Variants in CCAR2 observed in about 807,000 individuals in gnomAD.
CCAR2 encodes the protein cell cycle and apoptosis regulator protein 2.
A neutral mutation model predicts 108.1 loss-of-function variants in CCAR2; 21 were observed. The ratio of observed to expected loss-of-function variants is 0.19; its 90% CI spans 0.14 to 0.28. The LOEUF is 0.28. CCAR2 is among the 10% of genes least tolerant of loss of function. The pLI is 1.00. For missense variants in CCAR2, 1,126 were observed against 1,177.0 expected (o/e 0.96, Z 0.63); for synonymous variants, 577 against 472.8 (o/e 1.22, Z -2.86).
At chr8:22,612,823 A>G in intron 7 of CCAR2, 194 bp from the exon 8 acceptor site, 1 of 598,980 alleles carries the variant, frequency 1.7e-6, no homozygotes, top group Non-Finnish European at 2.7e-6. Flanking sequence ...TTTGCTTAAC[A>G]GGAATGTTTA....
At chr8:22,605,498 C>T (rs992283685) in intron 1 of CCAR2, 15 of 443,246 alleles carry the variant, frequency 3.4e-5, no homozygotes, top group East Asian at 3.8e-5. Context: ...GTTTCCTTGT[C>T]TGTAAAACAG....
downstream of CCAR2, chr8:22,621,078 C>T (rs7000993): frequency 0.02 from 4,765 of 234,122 alleles, 235 homozygotes; most frequent in African/African-American, 0.099. Context: ...GCCCACAACG[C>T]ATGCAAGGCT....
chr8:22,621,450 C>G, downstream of CCAR2: 5 of 1,613,646 alleles, frequency 3.1e-6, no homozygotes, highest in Non-Finnish European at 3.4e-6. Context: ...GGAGAGGGCC[C>G]GGAGCTCACT....
chr8:22,604,964 T>C, intron 1 of CCAR2, 122 bp downstream of exon 1: 2 of 331,166 alleles, frequency 6.0e-6, no homozygotes, highest in South Asian at 4.4e-5. Context: ...CGAGCCCCTC[T>C]TTGGACTGCA....
In CCAR2 at chr8:22,617,793, C is replaced by A. The variant is rs756875975; in HGVS notation, c.2073+15C>A. On this transcript the variant is annotated intron_variant, in intron 16 of 20. Coordinates refer to ENST00000308511, the MANE Select transcript of CCAR2 (RefSeq NM_001393997.1). The stretch of plus-strand genomic sequence containing the variant: ...TTCAGGACATGGTGAGGCCTCTTCT[C>A]GACCACTCTGGGTCTCAGTGGTGGT... 6.2e-7 allele frequency: 1 copy of A among 1,612,348 alleles called. No individual in the cohort carries two copies.
Position 22,613,278 on chromosome 8 carries a change from C to G in CCAR2, c.704+142C>G, listed in dbSNP as rs1286942745. 4.8e-6 allele frequency: 4 copies of G among 836,870 alleles called. No individual in the cohort carries two copies. The East Asian group carries it at 1.5e-4, about 32-fold the overall frequency. The allele number at this position is 836,870 out of a possible 1,614,324, so 51.8% of individuals were successfully genotyped here. On this transcript the variant is annotated intron_variant, in intron 8 of 20. Transcript: ENST00000308511. ...GAAAAGCACATGGAAACCTGTTGTA[C>G]ATACTGTTTGGTGGTTTGCCTTTTC... is the stretch of plus-strand genomic sequence containing the variant.
intron 1 of CCAR2, chr8:22,605,398 A>G (rs1219081857): frequency 2.7e-5 from 5 of 187,614 alleles, no homozygotes; most frequent in Non-Finnish European, 5.5e-5. Flanking sequence ...GAGGAGCGCT[A>G]AGTTGTTGGG....
downstream of CCAR2, chr8:22,621,165 T>C (rs1435595754): frequency 4.0e-6 from 2 of 495,382 alleles, no homozygotes; most frequent in African/African-American, 1.9e-5. Flanking sequence ...CCAGGATGCA[T>C]GCTGGACGGT....
intron 1 of CCAR2, 95 bp downstream of exon 1, chr8:22,604,937 T>TG: frequency 8.5e-6 from 3 of 354,958 alleles, no homozygotes; most frequent in Non-Finnish European, 1.1e-5. Flanking sequence ...CGAAGATGCG[T>TG]GGGGCGCGGA....
At chr8:22,612,050 T>C (rs2117437990) in intron 7 of CCAR2, among the ~76,000 whole-genome samples, 1 of 152,096 alleles carries the variant, frequency 6.6e-6, no homozygotes, top group Non-Finnish European at 1.5e-5. Context: ...GTTCAAGCGA[T>C]TCTCCTTGCC....
At chr8:22,621,511 G>A (rs1318416495), downstream of CCAR2, 2 of 1,613,928 alleles carry the variant, frequency 1.2e-6, no homozygotes, top group Non-Finnish European at 1.7e-6. Context: ...TGGCCTGGCT[G>A]GTCAAGCTGA....
intron 20 of CCAR2, 57 bp from the exon 21 acceptor site, chr8:22,619,581 C>A: frequency 2.6e-6 from 4 of 1,540,458 alleles, no homozygotes; most frequent in Non-Finnish European, 3.5e-6. Flanking sequence ...CCGCAGTCCG[C>A]AGTCCTCAGA....
chr8:22,617,885 TGGACCCAACACACA>T lies in CCAR2; in HGVS notation c.2073+109_2073+122del. The T allele has an allele frequency of 2.6e-6, 3 of 1,145,890 alleles. No homozygotes were observed. In the South Asian group the frequency reaches 3.9e-5, roughly 15 times the overall value. 71.0% of individuals were successfully genotyped at this position (1,145,890 alleles called of 1,614,324 possible). A position where few individuals can be genotyped will look rare whatever the true frequency, so the allele number is the denominator to read the frequency against. ...GCTTACCAGTGACTTCCTTTCTTGA[TGGACCCAACACACA>T]GTGTGGTCCTTGGCTCATGGAAGGG... On this transcript the variant is annotated intron_variant, in intron 16 of 20. Coordinates refer to ENST00000308511, the MANE Select transcript of CCAR2 (RefSeq NM_001393997.1).
At position 22,620,455 on chromosome 8, in the gene CCAR2, C is replaced by T. The variant is rs1185772214; in HGVS notation, c.*773C>T. On this transcript the variant is annotated 3_prime_UTR_variant, in exon 21 of 21. Coordinates refer to ENST00000308511, the MANE Select transcript of CCAR2 (RefSeq NM_001393997.1). ...TTTTTTGGCTTGTTTTTTAAATAAA[C>T]CAAAGTCAAAAACAAACTGAGAGTG... 1 of 93,700 alleles carries T rather than the reference C, an allele frequency of 1.1e-5. No individual in the cohort carries two copies. Among genetic ancestry groups the T allele is most frequent in the Non-Finnish European group, 2.2e-5 (1 of 45,544 alleles). The allele number at this position is 93,700 out of a possible 1,614,324, so 5.8% of individuals were successfully genotyped here.
downstream of CCAR2, chr8:22,621,448 C>T (rs1221135333): frequency 4.3e-6 from 7 of 1,613,490 alleles, no homozygotes; most frequent in South Asian, 1.1e-5. Context: ...ATGGAGAGGG[C>T]CCGGAGCTCA....
chr8:22,606,693 G>C lies in CCAR2; in HGVS notation c.237G>C (p.Gln79His). ...FGVVDEEVFF[Q>H]LSVVKGRLPQ... ...TTGTGGATGAAGAGGTCTTTTTTCA[G>C]CTAAGGTAGGCTTGAGGTTGGTCCC... is the stretch of plus-strand genomic sequence containing the variant. The change falls in exon 4 of 21, where the codon CAG (glutamine) becomes CAC (histidine). Residue 79 changes from glutamine (Q) to histidine (H), a missense_variant. Gln to His is a conservative substitution (Grantham distance 24). This residue lies in a region of CCAR2 where 17 missense variants were observed against 56.1 expected (regional missense o/e 0.30). Coordinates refer to ENST00000308511, the MANE Select transcript of CCAR2 (RefSeq NM_001393997.1). 6.2e-7 allele frequency: 1 copy of C among 1,613,616 alleles called. No homozygotes were observed. Among genetic ancestry groups the C allele is most frequent in the Non-Finnish European group, 8.5e-7 (1 of 1,179,616 alleles).
At chr8:22,614,701 T>C (rs1801427288) in intron 10 of CCAR2, 137 bp from the exon 11 acceptor site, 1 of 1,195,382 alleles carries the variant, frequency 8.4e-7, no homozygotes, top group African/African-American at 1.5e-5. Flanking sequence ...GGTTCATGTT[T>C]GCAGATAGAG....
chr8:22,619,434 G>T (rs762500184), intron 20 of CCAR2, 79 bp downstream of exon 20: 1 of 1,502,848 alleles, frequency 6.7e-7, no homozygotes, highest in South Asian at 1.2e-5. Flanking sequence ...GCTTGCCCGT[G>T]TCGGGAGTGA....
At chr8:22,612,912 AT>A in intron 7 of CCAR2, 104 bp from the exon 8 acceptor site, 1 of 1,246,918 alleles carries the variant, frequency 8.0e-7, no homozygotes, top group East Asian at 2.5e-5. Flanking sequence ...TTTTCCATTT[AT>A]TGAATGTGAG....
Sources: gnomAD v4.1 joint callset for allele counts (sites outside exome capture counted in the v4.1 genomes callset) on GRCh38, gnomAD v4.1.1 for gene constraint, gnomAD v4.1.1 regional missense constraint, MANE v1.5 for transcripts, NCBI Gene and HGNC (gene_info 2026-07-23, HGNC 2026-07-21) for gene names.